GNAI1: variants seen among roughly 807,000 people sequenced by gnomAD.
GNAI1 encodes the protein G protein subunit alpha i1.
In GNAI1, 11 loss-of-function variants were observed where a neutral mutation model predicts 38.9. The ratio of observed to expected loss-of-function variants is 0.28; its 90% CI spans 0.18 to 0.47. GNAI1 has a LOEUF of 0.47. GNAI1 is among the 20% of genes least tolerant of loss of function. The pLI is 0.99. For missense variants in GNAI1, 317 were observed against 436.9 expected (o/e 0.73, Z 2.45); for synonymous variants, 166 against 145.1 (o/e 1.14, Z -1.04).
intron 1 of GNAI1, among the ~76,000 whole-genome samples, chr7:80,179,163 T>C (rs1170296878): frequency 6.6e-6 from 1 of 152,240 alleles, no homozygotes; most frequent in Non-Finnish European, 1.5e-5. Flanking sequence ...TCCTTTTTAA[T>C]AACTAGTTAG....
intron 1 of GNAI1, chr7:80,135,736 C>A: frequency 1.0e-6 from 1 of 959,516 alleles, no homozygotes; most frequent in Non-Finnish European, 1.2e-6. Context: ...TTTCTCATGC[C>A]CAGAGTGCCA....
chr7:80,202,017 TC>T (rs1399790466), intron 4 of GNAI1, among the ~76,000 whole-genome samples: 3 of 152,204 alleles, frequency 2.0e-5, no homozygotes, highest in African/African-American at 7.2e-5. Context: ...TGCCTGCTTT[TC>T]TTCTTTGTCT....
In GNAI1 at chr7:80,203,417, A is replaced by T. The variant is rs565705219; in HGVS notation, c.462-287A>T. The stretch of plus-strand genomic sequence containing the variant: ...TGTATTAGCTTTTTTTTTTTAAGTT[A>T]TTCTTTTTCCTTTGAATCACTGATA... On this transcript the variant is annotated intron_variant, in intron 4 of 7. Coordinates refer to ENST00000649796, the MANE Select transcript of GNAI1 (RefSeq NM_002069.6). 1.6e-4 allele frequency among the ~76,000 whole-genome samples: 24 copies of T among 151,882 alleles called. No individual in the cohort carries two copies. The East Asian group carries it at 4.4e-3, about 28-fold the overall frequency.
chr7:80,214,983 G>T (rs774123134), intron 7 of GNAI1, among the ~76,000 whole-genome samples: 3 of 152,072 alleles, frequency 2.0e-5, no homozygotes, highest in Non-Finnish European at 2.9e-5. Flanking sequence ...GGTTGGGTTG[G>T]TCGGTTGGTT....
intron 4 of GNAI1, among the ~76,000 whole-genome samples, chr7:80,200,569 G>A (rs1788668697): frequency 6.6e-6 from 1 of 152,028 alleles, no homozygotes; most frequent in Admixed American, 6.6e-5. Context: ...AATTTTGAAA[G>A]GTCTAGGTGA....
At chr7:80,154,217 C>T (rs1787777680) in intron 1 of GNAI1, among the ~76,000 whole-genome samples, 1 of 152,190 alleles carries the variant, frequency 6.6e-6, no homozygotes, top group South Asian at 2.1e-4. Flanking sequence ...AGCCACTGTG[C>T]ATGGCCACTG....
chr7:80,190,208 C>T (rs1400276273), intron 3 of GNAI1, among the ~76,000 whole-genome samples: 1 of 151,858 alleles, frequency 6.6e-6, no homozygotes, highest in East Asian at 1.9e-4. Context: ...TGAATGAAAG[C>T]AATATTAGGG....
chr7:80,186,981 G>A (rs1296306438), intron 1 of GNAI1: 2 of 152,208 alleles, frequency 1.3e-5, no homozygotes, highest in African/African-American at 4.8e-5. Flanking sequence ...ATTGGCAGAT[G>A]CCCTGAAAGA....
chr7:80,159,898 T>G (rs923525116), intron 1 of GNAI1, among the ~76,000 whole-genome samples: 7 of 152,040 alleles, frequency 4.6e-5, no homozygotes, highest in African/African-American at 1.7e-4. Context: ...GCGTGAGGAT[T>G]AGAGATATAT....
At chr7:80,192,896 A>C (rs923358803) in intron 3 of GNAI1, among the ~76,000 whole-genome samples, 1 of 151,726 alleles carries the variant, frequency 6.6e-6, no homozygotes, top group East Asian at 1.9e-4. Context: ...ACGGGGTTTC[A>C]CCTTGTTGGC....
chr7:80,173,975 C>T (rs1186236721), intron 1 of GNAI1, among the ~76,000 whole-genome samples: 7 of 152,034 alleles, frequency 4.6e-5, no homozygotes, highest in Admixed American at 3.3e-4. Flanking sequence ...TTAGGGCCCA[C>T]GTTGATAAGG....
At chr7:80,198,738 C>A (rs2115666484) in intron 3 of GNAI1, among the ~76,000 whole-genome samples, 1 of 152,278 alleles carries the variant, frequency 6.6e-6, no homozygotes, top group Non-Finnish European at 1.5e-5. Context: ...ACATTGATTT[C>A]TCCCTTCTCT....
At chr7:80,174,982 A>G (rs1222769240) in intron 1 of GNAI1, among the ~76,000 whole-genome samples, 3 of 152,206 alleles carry the variant, frequency 2.0e-5, no homozygotes, top group Non-Finnish European at 4.4e-5. Context: ...ATGTGACCAA[A>G]TGGGAAATAC....
chr7:80,207,127 T>G (rs995828935), intron 5 of GNAI1, among the ~76,000 whole-genome samples: 3 of 152,088 alleles, frequency 2.0e-5, no homozygotes, highest in African/African-American at 7.2e-5. Context: ...GCTATTACAG[T>G]TTTGCTCTGT....
chr7:80,188,901 C>A, intron 1 of GNAI1, 50 bp from the exon 2 acceptor site: 2 of 1,171,094 alleles, frequency 1.7e-6, no homozygotes, highest in Non-Finnish European at 2.5e-6. Flanking sequence ...GTTGAATATA[C>A]TTAAGTGATT....
intron 1 of GNAI1, among the ~76,000 whole-genome samples, chr7:80,140,050 C>T (rs1359395520): frequency 2.0e-5 from 3 of 147,914 alleles, no homozygotes; most frequent in African/African-American, 5.0e-5. Context: ...GTGGCGCAGT[C>T]TCCGCTCACT....
intron 1 of GNAI1, among the ~76,000 whole-genome samples, chr7:80,176,537 G>A (rs1223621273): frequency 6.6e-6 from 1 of 152,218 alleles, no homozygotes; most frequent in Admixed American, 6.5e-5. Flanking sequence ...TGGCTTCAGA[G>A]CTACAAAGGA....
intron 1 of GNAI1, 58 bp downstream of exon 1, chr7:80,135,336 C>A: frequency 9.7e-7 from 1 of 1,028,404 alleles, no homozygotes; most frequent in Non-Finnish European, 1.3e-6. Flanking sequence ...CGGCGCTGCG[C>A]GGCCCTCGGC....
intron 7 of GNAI1, among the ~76,000 whole-genome samples, chr7:80,213,840 C>T (rs1219882293): frequency 7.1e-6 from 1 of 141,456 alleles, no homozygotes; most frequent in Non-Finnish European, 1.6e-5. Flanking sequence ...CCCACTCTTC[C>T]TGTTTTTTTT....
Sources: gnomAD v4.1 joint callset for allele counts (sites outside exome capture counted in the v4.1 genomes callset) on GRCh38, gnomAD v4.1.1 for gene constraint, MANE v1.5 for transcripts, NCBI Gene and HGNC (gene_info 2026-07-23, HGNC 2026-07-21) for gene names.